The following ARHGAP42 variants were observed in gnomAD, a reference collection of about 807,000 sequenced individuals.
ARHGAP42 encodes the protein rho GTPase-activating protein 42.
Under a neutral mutation model 125.0 loss-of-function variants are expected in ARHGAP42, and 63 were observed. The observed-to-expected ratio is 0.50, with a 90% confidence interval of 0.41 to 0.62. The LOEUF (loss-of-function observed/expected upper bound fraction) is 0.62, where lower values mean the gene tolerates loss of function less well. ARHGAP42 is among the 20% of genes least tolerant of loss of function. ARHGAP42 has a pLI of 0.00. For synonymous variants in ARHGAP42, 339 were observed against 351.0 expected, an observed-to-expected ratio of 0.97 and a Z score of 0.38; for missense variants, 766 against 1,024.2, an observed-to-expected ratio of 0.75 and a Z score of 3.44.
intron 4 of ARHGAP42, among the ~76,000 whole-genome samples, chr11:100,875,761 C>G (rs527476891): frequency 0.041 from 6,184 of 151,786 alleles, 172 homozygotes; most frequent in Non-Finnish European, 0.063. Context: ...TCCAGGGTGG[C>G]GGGGGGTGAC....
At chr11:100,736,653 G>A (rs1450918443) in intron 1 of ARHGAP42, among the ~76,000 whole-genome samples, 1 of 152,282 alleles carries the variant, frequency 6.6e-6, no homozygotes, top group East Asian at 1.9e-4. Flanking sequence ...ACAGGCATCT[G>A]CCACTTGCAG....
chr11:100,726,419 T>A (rs527890936), intron 1 of ARHGAP42, among the ~76,000 whole-genome samples: 9 of 152,298 alleles, frequency 5.9e-5, no homozygotes, highest in African/African-American at 2.2e-4. Flanking sequence ...CATTAAATGG[T>A]TGCTATTGTT....
chr11:100,776,802 G>T (rs550269909), intron 2 of ARHGAP42, among the ~76,000 whole-genome samples: 1 of 152,084 alleles, frequency 6.6e-6, no homozygotes, highest in South Asian at 2.1e-4. Flanking sequence ...GGTCAACATG[G>T]TGAAACCCCA....
intron 2 of ARHGAP42, among the ~76,000 whole-genome samples, chr11:100,793,224 A>T (rs956732177): frequency 1.3e-5 from 2 of 152,272 alleles, no homozygotes; most frequent in East Asian, 3.9e-4. Flanking sequence ...GTAGATACCT[A>T]CCAGAATGAT....
intron 6 of ARHGAP42, among the ~76,000 whole-genome samples, chr11:100,929,305 G>C (rs1295881992): frequency 6.6e-6 from 1 of 152,104 alleles, no homozygotes; most frequent in Non-Finnish European, 1.5e-5. Flanking sequence ...GCTCACCCAG[G>C]TCTCACCTCC....
rs542837811 is a variant in ARHGAP42, at chr11:100,977,012, A to G, written c.2393+41A>G. ...TATATTTGCTGTGTCTCCCAGGGAT[A>G]CAGAGAGGAGTTGAGTGTTTCAGAA... On this transcript the variant is annotated intron_variant, in intron 21 of 23. Transcript: ENST00000298815. 15 of 1,547,926 alleles carry G rather than the reference A, an allele frequency of 9.7e-6. No homozygotes were observed. In the East Asian group the frequency reaches 2.9e-4, roughly 30 times the overall value.
At chr11:100,893,267 C>T (rs1866267335) in intron 4 of ARHGAP42, among the ~76,000 whole-genome samples, 1 of 151,450 alleles carries the variant, frequency 6.6e-6, no homozygotes, top group Non-Finnish European at 1.5e-5. Context: ...AAGTTAATTT[C>T]ATTAAATGTT....
chr11:100,688,481 T>C (rs1861128714), intron 1 of ARHGAP42, among the ~76,000 whole-genome samples: 1 of 152,224 alleles, frequency 6.6e-6, no homozygotes, highest in Non-Finnish European at 1.5e-5. Context: ...CAATCAGAAC[T>C]TTTGATGATC....
Position 100,882,450 on chromosome 11 carries a change from A to C in ARHGAP42, c.384+22825A>C, listed in dbSNP as rs373738191. Among the ~76,000 whole-genome samples the C allele has an allele frequency of 2.0e-5, 3 of 150,486 alleles. 1 individual carries two copies. In the South Asian group the frequency reaches 6.2e-4, roughly 31 times the overall value. On this transcript the variant is annotated intron_variant, in intron 4 of 23. Coordinates refer to ENST00000298815, the MANE Select transcript of ARHGAP42 (RefSeq NM_152432.4). The stretch of plus-strand genomic sequence containing the variant: ...GTATCACTGGTATGAAACCCACATC[A>C]TCATGGTGGGTTAGCTTTTTGATAT...
At chr11:100,956,463 A>G (rs1292866949) in intron 12 of ARHGAP42, among the ~76,000 whole-genome samples, 2 of 152,152 alleles carry the variant, frequency 1.3e-5, no homozygotes, top group Non-Finnish European at 2.9e-5. Flanking sequence ...TGATCCTGTG[A>G]CAAAGGAAAA....
At chr11:100,930,823 T>G (rs192861014) in intron 6 of ARHGAP42, among the ~76,000 whole-genome samples, 26 of 152,328 alleles carry the variant, frequency 1.7e-4, no homozygotes, top group Non-Finnish European at 8.8e-5. Flanking sequence ...AAGCATGAAG[T>G]GGCCCTTCAC....
In ARHGAP42 at chr11:100,976,183, G is replaced by A. The variant is rs1293018367; in HGVS notation, c.1982G>A (p.Gly661Glu). The change falls in exon 20 of 24, where the codon GGG becomes GAG. Residue 661 changes from glycine to glutamate, a missense_variant. This residue lies in a region of ARHGAP42 where 308 missense variants were observed against 369.7 expected (regional missense o/e 0.83). Coordinates refer to ENST00000298815, the MANE Select transcript of ARHGAP42 (RefSeq NM_152432.4). ...TGCCAGCCCAGGGAGAAATCTGGAG[G>A]GATTCCTTGGATTGCAACCCCATCA... ...ASCQPREKSGGIPWIATPSSS... is the reference protein window; with the variant it reads ...ASCQPREKSGEIPWIATPSSS... The A allele has an allele frequency of 4.5e-6, 7 of 1,551,602 alleles. No homozygotes were observed. The highest frequency in any genetic ancestry group is 6.1e-6 in the Non-Finnish European group (7 of 1,146,904).
chr11:100,905,970 GT>G (rs1866724787), intron 4 of ARHGAP42, among the ~76,000 whole-genome samples: 1 of 152,148 alleles, frequency 6.6e-6, no homozygotes, highest in Non-Finnish European at 1.5e-5. Context: ...GTCTTAATAT[GT>G]TTAAACATAC....
At chr11:100,927,033 G>A (rs1867445383) in intron 6 of ARHGAP42, among the ~76,000 whole-genome samples, 1 of 152,108 alleles carries the variant, frequency 6.6e-6, no homozygotes, top group South Asian at 2.1e-4. Context: ...AAAATATAGT[G>A]CTTTTGATGC....
intron 1 of ARHGAP42, among the ~76,000 whole-genome samples, chr11:100,753,267 G>C (rs1036017921): frequency 1.3e-5 from 2 of 152,168 alleles, no homozygotes; most frequent in African/African-American, 4.8e-5. Context: ...ACAGGCAGCA[G>C]GAAGCCTCAC....
intron 2 of ARHGAP42, among the ~76,000 whole-genome samples, chr11:100,786,967 G>A (rs956702742): frequency 6.6e-6 from 1 of 152,068 alleles, no homozygotes; most frequent in Non-Finnish European, 1.5e-5. Context: ...GAGTTCTCAT[G>A]AAGTCTGTTG....
At position 100,837,201 on chromosome 11, in the gene ARHGAP42, T is replaced by C. The variant is rs1004907529; in HGVS notation, c.313-22353T>C. 8.5e-5 allele frequency among the ~76,000 whole-genome samples: 13 copies of C among 152,262 alleles called. No individual in the cohort carries two copies. The East Asian group carries it at 2.1e-3, about 25-fold the overall frequency. On this transcript the variant is annotated intron_variant, in intron 3 of 23. Transcript: ENST00000298815. Reference sequence around the variant, plus strand: ...CATGCTTTTTTTCAACCCTAAATGTTTAAGTGTGTATTTTCTAAGACACAG... The same window carrying C: ...CATGCTTTTTTTCAACCCTAAATGTCTAAGTGTGTATTTTCTAAGACACAG...
At chr11:100,902,349 C>CA (rs1866576132) in intron 4 of ARHGAP42, among the ~76,000 whole-genome samples, 1 of 151,636 alleles carries the variant, frequency 6.6e-6, no homozygotes, top group South Asian at 2.1e-4. Flanking sequence ...AGATGGGAGT[C>CA]ATGGTAATAT....
At chr11:100,717,269 T>C (rs1861677756) in intron 1 of ARHGAP42, among the ~76,000 whole-genome samples, 1 of 152,076 alleles carries the variant, frequency 6.6e-6, no homozygotes, top group Non-Finnish European at 1.5e-5. Context: ...CAAACAGTGG[T>C]TTGTGACCCT....
Sources: gnomAD v4.1 joint callset for allele counts (sites outside exome capture counted in the v4.1 genomes callset) on GRCh38, gnomAD v4.1.1 for gene constraint, gnomAD v4.1.1 regional missense constraint, MANE v1.5 for transcripts, NCBI Gene and HGNC (gene_info 2026-07-23, HGNC 2026-07-21) for gene names.